ITGA8: variants seen among roughly 807,000 people sequenced by gnomAD.
The protein encoded by ITGA8 is integrin alpha-8.
Under a neutral mutation model 142.3 loss-of-function variants are expected in ITGA8, and 91 were observed. The observed-to-expected ratio is 0.64, with a 90% confidence interval of 0.54 to 0.76. The LOEUF (loss-of-function observed/expected upper bound fraction) is 0.76, where lower values mean the gene tolerates loss of function less well. Among genes scored for constraint, ITGA8 ranks in the 30% least tolerant of loss-of-function variants. ITGA8 has a pLI of 0.00. For missense variants in ITGA8, 1,406 were observed against 1,327.7 expected (o/e 1.06, Z -0.92); for synonymous variants, 505 against 485.2 (o/e 1.04, Z -0.54).
intron 20 of ITGA8, among the ~76,000 whole-genome samples, chr10:15,602,955 A>G (rs532406797): frequency 1.5e-4 from 23 of 150,328 alleles, no homozygotes; most frequent in Non-Finnish European, 3.1e-4. Context: ...CTATTTTTTT[A>G]AAAACTACTT....
chr10:15,712,071 C>T lies in ITGA8; in HGVS notation c.343+6695G>A, dbSNP rs541958359. Among the ~76,000 whole-genome samples, 235 of 152,302 alleles carry T rather than the reference C, an allele frequency of 1.5e-3. 2 individuals are homozygous for T. The highest frequency in any genetic ancestry group is 5.4e-3 in the African/African-American group (225 of 41,568). On this transcript the variant is annotated intron_variant, in intron 2 of 29. Transcript: ENST00000378076. ...ATCTTAAATCTCCTTATCATGTAAC[C>T]TGGAATTGAAATTACTTTAATCTAT... is the stretch of plus-strand genomic sequence containing the variant.
chr10:15,644,668 G>T (rs1833945004), intron 12 of ITGA8, among the ~76,000 whole-genome samples: 1 of 150,394 alleles, frequency 6.6e-6, no homozygotes, highest in South Asian at 2.1e-4. Flanking sequence ...GAATGGTTCA[G>T]AAATAGTTTA....
intron 13 of ITGA8, among the ~76,000 whole-genome samples, chr10:15,640,291 C>G (rs1833847626): frequency 6.6e-6 from 1 of 152,162 alleles, no homozygotes; most frequent in African/African-American, 2.4e-5. Flanking sequence ...CTGGGCTGGC[C>G]ACTCCCAGAT....
At chr10:15,553,598 C>T (rs1833832830) in intron 26 of ITGA8, among the ~76,000 whole-genome samples, 1 of 152,126 alleles carries the variant, frequency 6.6e-6, no homozygotes, top group Admixed American at 6.5e-5. Flanking sequence ...TTTTCATCAT[C>T]CCAAAGTAAA....
intron 28 of ITGA8, among the ~76,000 whole-genome samples, chr10:15,528,942 C>G (rs1833233165): frequency 6.6e-6 from 1 of 151,494 alleles, no homozygotes; most frequent in African/African-American, 2.4e-5. Flanking sequence ...TATCTTTCTT[C>G]TCCCTTCCTT....
chr10:15,677,677 A>G, intron 5 of ITGA8, 40 bp from the exon 6 acceptor site: 1 of 1,569,108 alleles, frequency 6.4e-7, no homozygotes, highest in Non-Finnish European at 8.7e-7. Flanking sequence ...TAATTGGAAA[A>G]GAAATACTAA....
At chr10:15,535,725 A>G (rs956978229) in intron 27 of ITGA8, among the ~76,000 whole-genome samples, 62 of 152,168 alleles carry the variant, frequency 4.1e-4, no homozygotes, top group African/African-American at 1.5e-3. Flanking sequence ...AATCAGCAGG[A>G]TGTGGGTGGG....
chr10:15,525,869 T>C lies in ITGA8; in HGVS notation c.2982+5181A>G, dbSNP rs559294872. On this transcript the variant is annotated intron_variant, in intron 28 of 29. Coordinates refer to ENST00000378076, the MANE Select transcript of ITGA8 (RefSeq NM_003638.3). ...GATATAAAAATACTAATAATTTACA[T>C]TTTTTTACTAAGTCTCCAAAATCCA... is the stretch of plus-strand genomic sequence containing the variant. 3.3e-5 allele frequency among the ~76,000 whole-genome samples: 5 copies of C among 152,172 alleles called. No homozygotes were observed. The South Asian group carries it at 6.2e-4, about 19-fold the overall frequency.
At chr10:15,621,542 A>C (rs1215842616) in intron 13 of ITGA8, among the ~76,000 whole-genome samples, 1 of 152,176 alleles carries the variant, frequency 6.6e-6, no homozygotes, top group African/African-American at 2.4e-5. Context: ...TTGGGAAAGA[A>C]ATTTTAGTGT....
intron 25 of ITGA8, among the ~76,000 whole-genome samples, chr10:15,563,452 AT>A (rs56148887): frequency 6.6e-6 from 1 of 151,934 alleles, no homozygotes; most frequent in Non-Finnish European, 1.5e-5. Flanking sequence ...AATCATGTAA[AT>A]TTTTTATAGG....
intron 23 of ITGA8, among the ~76,000 whole-genome samples, chr10:15,579,243 A>G (rs1166510350): frequency 2.6e-5 from 4 of 152,138 alleles, no homozygotes; most frequent in African/African-American, 4.8e-5. Context: ...TCTGTGGTCA[A>G]TTGTTGGACA....
chr10:15,716,501 C>T (rs1037717118), intron 2 of ITGA8, among the ~76,000 whole-genome samples: 1 of 152,072 alleles, frequency 6.6e-6, no homozygotes, highest in Non-Finnish European at 1.5e-5. Context: ...TAGTTTGTCC[C>T]CTACTGTTTT....
chr10:15,718,672 G>A (rs926310516), intron 2 of ITGA8, 94 bp downstream of exon 2: 5 of 1,490,598 alleles, frequency 3.4e-6, no homozygotes, highest in African/African-American at 1.4e-5. Context: ...CAAGCTAAAC[G>A]AGCAGCACAC....
chr10:15,712,661 C>T (rs1287510100), intron 2 of ITGA8, among the ~76,000 whole-genome samples: 1 of 152,074 alleles, frequency 6.6e-6, no homozygotes, highest in Non-Finnish European at 1.5e-5. Context: ...TCATGGTATC[C>T]ATCAGGGCAC....
intron 11 of ITGA8, among the ~76,000 whole-genome samples, chr10:15,652,630 T>A (rs965673658): frequency 3.3e-5 from 5 of 152,246 alleles, no homozygotes; most frequent in Non-Finnish European, 7.3e-5. Flanking sequence ...AAATCTTGAA[T>A]GACCGTCCTA....
chr10:15,649,396 C>T (rs1191821246), intron 11 of ITGA8, among the ~76,000 whole-genome samples: 2 of 151,534 alleles, frequency 1.3e-5, no homozygotes, highest in Non-Finnish European at 1.5e-5. Context: ...TTTGGGAGGC[C>T]GAGGTGGTCA....
chr10:15,614,693 T>A (rs1399270459), intron 14 of ITGA8, among the ~76,000 whole-genome samples: 3 of 152,144 alleles, frequency 2.0e-5, no homozygotes, highest in African/African-American at 7.2e-5. Context: ...GTTGGATAAG[T>A]TTCCCCCCAA....
chr10:15,647,435 A>G (rs1036985442), intron 11 of ITGA8, among the ~76,000 whole-genome samples: 1 of 146,614 alleles, frequency 6.8e-6, no homozygotes, highest in Non-Finnish European at 1.5e-5. Flanking sequence ...ATGACTATAC[A>G]TTTAAATTAT....
At chr10:15,631,932 T>C (rs748445834) in intron 13 of ITGA8, among the ~76,000 whole-genome samples, 14 of 151,972 alleles carry the variant, frequency 9.2e-5, no homozygotes, top group Non-Finnish European at 2.1e-4. Context: ...AGGAAGTTAG[T>C]TCAAACTTAA....
Sources: allele counts gnomAD v4.1 joint callset (sites outside exome capture counted in the v4.1 genomes callset), GRCh38; gene constraint gnomAD v4.1.1; transcripts MANE v1.5; gene names NCBI Gene and HGNC (gene_info 2026-07-23, HGNC 2026-07-21).